SPTBN4: variants seen among roughly 807,000 people sequenced by gnomAD.
SPTBN4 encodes spectrin beta, non-erythrocytic 4.
A neutral mutation model predicts 277.8 loss-of-function variants in SPTBN4; 96 were observed. That is an observed-to-expected ratio of 0.35 (90% CI 0.29 to 0.41). SPTBN4 has a LOEUF of 0.41. Among genes scored for constraint, SPTBN4 ranks in the 10% least tolerant of loss-of-function variants. The pLI, the probability that SPTBN4 is intolerant of heterozygous loss-of-function variation, is 1.00. For missense variants in SPTBN4, 3,006 were observed against 3,595.7 expected (o/e 0.84, Z 4.19); for synonymous variants, 1,481 against 1,580.3 (o/e 0.94, Z 1.49).
intron 2 of SPTBN4, among the ~76,000 whole-genome samples, chr19:40,474,759 G>C (rs1156822265): frequency 1.3e-5 from 2 of 152,082 alleles, no homozygotes; most frequent in Non-Finnish European, 1.5e-5. Flanking sequence ...GGGTGTGGTG[G>C]TGGGCACCTG....
chr19:40,467,645 G>A (rs1017330008), intron 1 of SPTBN4, among the ~76,000 whole-genome samples: 15 of 151,924 alleles, frequency 9.9e-5, no homozygotes, highest in Non-Finnish European at 1.8e-4. Flanking sequence ...GGTGTTGGGG[G>A]GAGGCTCGCA....
At position 40,487,745 on chromosome 19, in the gene SPTBN4, C is replaced by T. The variant is rs749685016; in HGVS notation, c.218C>T (p.Ser73Leu). Residue 73 changes from serine to leucine, a missense_variant, in exon 3 of 36, where the codon TCG (serine) becomes TTG (leucine). Physicochemically the swap from Ser to Leu is moderately radical, Grantham distance 145. Around this residue, in one of 5 missense-constraint regions of SPTBN4, gnomAD observed 114 missense variants for 196.1 expected, o/e 0.58. Coordinates refer to ENST00000598249, the MANE Select transcript of SPTBN4 (RefSeq NM_020971.3). ...QKKTFTKWVN[S>L]HLARVGCHIG... ...AAAACCTTCACCAAGTGGGTGAACT[C>T]GCACCTCGCCCGCGTGGGCTGCCAC... is the stretch of plus-strand genomic sequence containing the variant. The T allele has an allele frequency of 8.1e-6, 13 of 1,613,544 alleles. No individual in the cohort carries two copies. Among genetic ancestry groups the T allele is most frequent in the Non-Finnish European group, 1.1e-5 (13 of 1,179,876 alleles).
In SPTBN4 at chr19:40,519,542, G is replaced by C. The variant is rs774909042; in HGVS notation, c.3045G>C (p.Arg1015=). The change falls in exon 16 of 36, where the codon CGG becomes CGC. Residue 1015 remains arginine (R), a synonymous_variant. Coordinates refer to ENST00000598249, the MANE Select transcript of SPTBN4 (RefSeq NM_020971.3). The surrounding 1 kb of genome is among the most constrained non-coding windows in gnomAD (Gnocchi z 5.7). ...GGAGAGCTGTGGAGAGCGCGCCCCG[G>C]GCCGGCGGCGCCCTGCAGTGGCGTC... ...EKRRAVESAP[R]AGGALQWRLS... 5.1e-6 allele frequency: 8 copies of C among 1,578,984 alleles called. No individual in the cohort carries two copies. The highest frequency in any genetic ancestry group is 8.6e-7 in the Non-Finnish European group (1 of 1,166,396).
Position 40,503,816 on chromosome 19 carries a change from G to T in SPTBN4, c.1363-14G>T, listed in dbSNP as rs1177018980. 1 of 1,566,440 alleles carries T rather than the reference G, an allele frequency of 6.4e-7. No homozygotes were observed. The highest frequency in any genetic ancestry group is 8.7e-7 in the Non-Finnish European group (1 of 1,152,402). The stretch of plus-strand genomic sequence containing the variant: ...CTGAGGCAGCATGGGTGAGTGTCTG[G>T]CTCACTGCCCCAGGACAACTTTGGG... On this transcript the variant is annotated splice_polypyrimidine_tract_variant and intron_variant, in intron 11 of 35. Transcript: ENST00000598249.
intron 2 of SPTBN4, among the ~76,000 whole-genome samples, chr19:40,473,102 A>G (rs1156471647): frequency 6.6e-6 from 1 of 152,096 alleles, no homozygotes; most frequent in Non-Finnish European, 1.5e-5. Context: ...GCTGGGGTGT[A>G]GTGGTGAGAT....
chr19:40,562,695 G>A (rs1455997841), intron 27 of SPTBN4, among the ~76,000 whole-genome samples: 5 of 152,018 alleles, frequency 3.3e-5, no homozygotes, highest in Non-Finnish European at 1.5e-5. Context: ...TTAGCCGGGT[G>A]TGGTGGCACA....
At chr19:40,545,838 G>A (rs1037205510) in intron 20 of SPTBN4, among the ~76,000 whole-genome samples, 3 of 151,860 alleles carry the variant, frequency 2.0e-5, no homozygotes, top group African/African-American at 7.3e-5. Context: ...TCAGGAGATC[G>A]AGACCATCCT....
At chr19:40,495,031 G>T in intron 6 of SPTBN4, 54 bp downstream of exon 6, 6 of 1,528,806 alleles carry the variant, frequency 3.9e-6, no homozygotes, top group Non-Finnish European at 4.5e-6. Flanking sequence ...CCATATCCCT[G>T]CAGCTGCACA....
chr19:40,566,441 C>T (rs913749949), intron 30 of SPTBN4, 82 bp downstream of exon 30: 70 of 1,279,938 alleles, frequency 5.5e-5, no homozygotes, highest in Non-Finnish European at 7.2e-5. Flanking sequence ...ACAGACACAC[C>T]GAGACATGGT....
At chr19:40,473,207 C>T (rs1384065594) in intron 2 of SPTBN4, among the ~76,000 whole-genome samples, 6 of 152,048 alleles carry the variant, frequency 3.9e-5, no homozygotes, top group Non-Finnish European at 5.9e-5. Context: ...CCACCACACC[C>T]GGCTAATTCT....
At chr19:40,496,866 A>C (rs2080202757) in intron 6 of SPTBN4, among the ~76,000 whole-genome samples, 1 of 151,832 alleles carries the variant, frequency 6.6e-6, no homozygotes, top group Non-Finnish European at 1.5e-5. Flanking sequence ...TGAGGTCAGG[A>C]GTTCGAGACC....
In SPTBN4 at chr19:40,513,133, C is replaced by A. The variant is rs777126852; in HGVS notation, c.2344C>A (p.Leu782Ile). Residue 782 changes from leucine to isoleucine, a missense_variant, in exon 14 of 36, where the codon CTC (leucine) becomes ATC (isoleucine). Coordinates refer to ENST00000598249, the MANE Select transcript of SPTBN4 (RefSeq NM_020971.3). Reference protein sequence around the residue: ...ARALHQFGADLDGLLDWLRDA... With the variant: ...ARALHQFGADIDGLLDWLRDA... ...GGCGCTGCACCAGTTCGGCGCTGAC[C>A]TCGACGGGCTGCTGGACTGGCTTCG... 1 of 1,490,184 alleles carries A rather than the reference C, an allele frequency of 6.7e-7. No homozygotes were observed. Among genetic ancestry groups the A allele is most frequent in the Non-Finnish European group, 8.9e-7 (1 of 1,129,010 alleles). The allele number at this position is 1,490,184 out of a possible 1,614,324, so 92.3% of individuals were successfully genotyped here.
chr19:40,501,776 C>A, intron 7 of SPTBN4, 145 bp from the exon 8 acceptor site: 1 of 691,062 alleles, frequency 1.4e-6, no homozygotes, highest in Non-Finnish European at 2.5e-6. Context: ...TTGACGGATA[C>A]AAAACCTGAG....
chr19:40,554,233 G>A lies in SPTBN4; in HGVS notation c.4761G>A (p.Pro1587=), dbSNP rs919631900. 3 of 1,518,146 alleles carry A rather than the reference G, an allele frequency of 2.0e-6. No individual in the cohort carries two copies. Among genetic ancestry groups the A allele is most frequent in the Admixed American group, 2.1e-5 (1 of 48,766 alleles). The allele number at this position is 1,518,146 out of a possible 1,614,324, so 94.0% of individuals were successfully genotyped here. Residue 1587 remains proline (P), a synonymous_variant, in exon 23 of 36, where the codon CCG becomes CCA. Coordinates refer to ENST00000598249, the MANE Select transcript of SPTBN4 (RefSeq NM_020971.3). The surrounding 1 kb of genome is among the most constrained non-coding windows in gnomAD (Gnocchi z 5.7). ...GCGCGCTGGCGTCGCTGCGCAGCCC[G>A]GAGGCAGAGGCAGTGCGCCGGGGCC... ...RAGALASLRS[P]EAEAVRRGLE...
chr19:40,564,554 C>T (rs2081073677), intron 27 of SPTBN4, among the ~76,000 whole-genome samples: 1 of 151,998 alleles, frequency 6.6e-6, no homozygotes, highest in Non-Finnish European at 1.5e-5. Context: ...AAATTTGGAT[C>T]TTGGCTGGGT....
Position 40,567,977 on chromosome 19 carries a change from C to A in SPTBN4, c.6651C>A (p.Thr2217=). 6.7e-7 allele frequency: 1 copy of A among 1,496,892 alleles called. No individual in the cohort carries two copies. Among genetic ancestry groups the A allele is most frequent in the African/African-American group, 1.5e-5 (1 of 68,246 alleles). The allele number at this position is 1,496,892 out of a possible 1,614,324, so 92.7% of individuals were successfully genotyped here. The change falls in exon 31 of 36, where the codon ACC becomes ACA. Residue 2217 remains threonine, a synonymous_variant. Transcript: ENST00000598249. ...LPAAPEDAAE[T]PATPAAAEQV... ...CCGCACCAGAGGACGCGGCGGAGAC[C>A]CCCGCGACCCCCGCGGCGGCGGAGC...
chr19:40,520,115 G>A lies in SPTBN4; in HGVS notation c.3618G>A (p.Arg1206=), dbSNP rs2080509454. The stretch of plus-strand genomic sequence containing the variant: ...CGCACATCTACCAGCTCTTCCTGCG[G>A]GATCTACGCCAGGCGCTCGTGGTGC... ...VQAHIYQLFL[R]DLRQALVVLR... is the part of the protein sequence containing the mutation. The change falls in exon 16 of 36, where the codon CGG becomes CGA. Residue 1206 remains arginine (R), a synonymous_variant. Coordinates refer to ENST00000598249, the MANE Select transcript of SPTBN4 (RefSeq NM_020971.3). 2.0e-6 allele frequency: 3 copies of A among 1,468,170 alleles called. No homozygotes were observed. The highest frequency in any genetic ancestry group is 2.9e-5 in the African/African-American group (2 of 67,952). The allele number at this position is 1,468,170 out of a possible 1,614,324, so 90.9% of individuals were successfully genotyped here. A position where few individuals can be genotyped will look rare whatever the true frequency, so the allele number is the denominator to read the frequency against.
intron 2 of SPTBN4, among the ~76,000 whole-genome samples, chr19:40,481,470 T>TTTTTGTTTTG (rs556360258): frequency 2.0e-5 from 3 of 151,976 alleles, no homozygotes; most frequent in African/African-American, 7.3e-5. Context: ...ATGGTCAGGT[T>TTTTTGTTTTG]TTTTGTTTTG....
In SPTBN4 at chr19:40,567,959, A is replaced by G. The variant is rs1206559349; in HGVS notation, c.6633A>G (p.Pro2211=). Residue 2211 remains proline, a synonymous_variant, in exon 31 of 36, where the codon CCA becomes CCG. Transcript: ENST00000598249. ...RVEPAALPAA[P]EDAAETPATP... ...AGCCCGCGGCCCTGCCGGCCGCACC[A>G]GAGGACGCGGCGGAGACCCCCGCGA... is the stretch of plus-strand genomic sequence containing the variant. The G allele has an allele frequency of 6.6e-7, 1 of 1,505,708 alleles. No homozygotes were observed. Among genetic ancestry groups the G allele is most frequent in the East Asian group, 2.7e-5 (1 of 37,032 alleles). The allele number at this position is 1,505,708 out of a possible 1,614,324, so 93.3% of individuals were successfully genotyped here.
Sources: gnomAD v4.1 joint callset for allele counts (sites outside exome capture counted in the v4.1 genomes callset) on GRCh38, gnomAD v4.1.1 for gene constraint, gnomAD v4.1.1 regional missense constraint, Gnocchi (gnomAD v3.1) non-coding constraint, MANE v1.5 for transcripts, NCBI Gene and HGNC (gene_info 2026-07-23, HGNC 2026-07-21) for gene names.